Variants in TRDN observed in about 807,000 individuals in gnomAD.
TRDN encodes triadin.
In TRDN, 161 loss-of-function variants were observed where a neutral mutation model predicts 149.7. The observed-to-expected ratio is 1.08, with a 90% CI of 0.95 to 1.23. The LOEUF (loss-of-function observed/expected upper bound fraction) is 1.23. TRDN is among the 50% of genes most tolerant of loss of function. The probability of loss-of-function intolerance (pLI) is 0.00; values close to 1 mark genes in which losing one functional copy is unlikely to be tolerated. For missense variants in TRDN, 896 were observed against 823.5 expected (o/e 1.09, Z -1.08); for synonymous variants, 294 against 250.5 (o/e 1.17, Z -1.64).
chr6:123,597,047 C>T (rs546387332), intron 1 of TRDN, among the ~76,000 whole-genome samples: 1 of 151,954 alleles, frequency 6.6e-6, no homozygotes, highest in African/African-American at 2.4e-5. Flanking sequence ...CGACTCTTTT[C>T]TTGGATCTAA....
At chr6:123,584,540 A>G (rs182606874) in intron 1 of TRDN, among the ~76,000 whole-genome samples, 6 of 152,216 alleles carry the variant, frequency 3.9e-5, no homozygotes, top group Admixed American at 3.9e-4. Context: ...GGTTTGGGAG[A>G]TTAATCGGAC....
At chr6:123,229,718 T>C (rs1775525424) in intron 38 of TRDN, among the ~76,000 whole-genome samples, 2 of 151,938 alleles carry the variant, frequency 1.3e-5, no homozygotes, top group Admixed American at 1.3e-4. Context: ...AGACTGCGTG[T>C]GTATGGACTC....
intron 1 of TRDN, among the ~76,000 whole-genome samples, chr6:123,578,736 G>T (rs1782979072): frequency 6.6e-6 from 1 of 152,116 alleles, no homozygotes; most frequent in Non-Finnish European, 1.5e-5. Context: ...TCTATAAATT[G>T]CCTTGGGCAG....
At chr6:123,567,486 T>G (rs903290865) in intron 2 of TRDN, among the ~76,000 whole-genome samples, 5 of 152,110 alleles carry the variant, frequency 3.3e-5, no homozygotes, top group African/African-American at 1.2e-4. Context: ...TGGCTCACAC[T>G]TCTGCAGTCT....
rs535685749 is a variant in TRDN at position 123,518,996 on chromosome 6, G to T, written c.485-2790C>A. ...ATAGAGCAGCTGCATTCGCTTGAGCGTCTCTGCTTAGAGCCCACAACCAGG... is the reference window on the plus strand; with the variant it reads ...ATAGAGCAGCTGCATTCGCTTGAGCTTCTCTGCTTAGAGCCCACAACCAGG... On this transcript the variant is annotated intron_variant, in intron 5 of 40. Transcript: ENST00000334268. 1.3e-5 allele frequency among the ~76,000 whole-genome samples: 2 copies of T among 152,178 alleles called. 1 individual carries two copies. The highest frequency in any genetic ancestry group is 2.9e-5 in the Non-Finnish European group (2 of 68,022).
At chr6:123,317,388 C>T (rs1009086551) in intron 23 of TRDN, among the ~76,000 whole-genome samples, 13 of 151,848 alleles carry the variant, frequency 8.6e-5, no homozygotes, top group African/African-American at 2.9e-4. Context: ...GATAATGCTA[C>T]CAGCTTTATT....
chr6:123,558,928 C>A (rs1309606434), intron 2 of TRDN, among the ~76,000 whole-genome samples: 1 of 152,236 alleles, frequency 6.6e-6, no homozygotes, highest in African/African-American at 2.4e-5. Context: ...GCCGGAAATC[C>A]GGCCACTGGG....
intron 1 of TRDN, among the ~76,000 whole-genome samples, chr6:123,596,937 C>T (rs957777498): frequency 6.6e-6 from 1 of 151,938 alleles, no homozygotes; most frequent in Non-Finnish European, 1.5e-5. Context: ...TTTTGATGCC[C>T]CCTAACACAA....
intron 40 of TRDN, among the ~76,000 whole-genome samples, chr6:123,219,852 G>A (rs1038402653): frequency 3.3e-5 from 5 of 151,858 alleles, no homozygotes; most frequent in Non-Finnish European, 4.4e-5. Flanking sequence ...TAGTAAAGCC[G>A]GCCCTGCACA....
At chr6:123,245,899 A>G (rs934036056) in intron 38 of TRDN, among the ~76,000 whole-genome samples, 4 of 152,236 alleles carry the variant, frequency 2.6e-5, no homozygotes, top group Admixed American at 2.6e-4. Flanking sequence ...CTCAGATCAC[A>G]GTGCAATCAA....
At chr6:123,237,660 C>T (rs1775840673) in intron 38 of TRDN, among the ~76,000 whole-genome samples, 1 of 152,076 alleles carries the variant, frequency 6.6e-6, no homozygotes, top group Non-Finnish European at 1.5e-5. Flanking sequence ...TTTTTCCTTT[C>T]CAAATGTGTT....
chr6:123,498,278 AG>A, intron 8 of TRDN: 1 of 200,546 alleles, frequency 5.0e-6, no homozygotes, highest in East Asian at 1.1e-4. Flanking sequence ...GAAATAACAA[AG>A]CTTGTTACTA....
intron 12 of TRDN, among the ~76,000 whole-genome samples, chr6:123,424,198 C>T (rs963872435): frequency 2.0e-5 from 3 of 152,064 alleles, no homozygotes; most frequent in Admixed American, 6.6e-5. Context: ...AACTTTATGC[C>T]TCATGTTACC....
intron 32 of TRDN, among the ~76,000 whole-genome samples, 189 bp from the exon 33 acceptor site, chr6:123,265,527 G>C (rs2114598989): frequency 6.6e-6 from 1 of 151,280 alleles, no homozygotes; most frequent in African/African-American, 2.4e-5. Flanking sequence ...GTTTCTCATG[G>C]AGCAGTAAAG....
intron 23 of TRDN, among the ~76,000 whole-genome samples, chr6:123,318,316 G>A (rs1562260005): frequency 6.6e-6 from 1 of 151,968 alleles, no homozygotes; most frequent in Non-Finnish European, 1.5e-5. Context: ...TATGGCTCAA[G>A]TGCTGGTCAA....
At chr6:123,298,070 A>C (rs1000666173) in intron 24 of TRDN, among the ~76,000 whole-genome samples, 1 of 152,072 alleles carries the variant, frequency 6.6e-6, no homozygotes, top group Non-Finnish European at 1.5e-5. Flanking sequence ...ATGAAATTAA[A>C]AAACAAAAAA....
rs754229275 is a variant in TRDN at position 123,267,737 on chromosome 6, G to A, written c.1753C>T (p.Arg585Ter). The change falls in exon 32 of 41, where the codon CGA (arginine) becomes TGA (stop). Residue 585 changes from arginine to a stop codon, truncating the protein, a stop_gained. Transcript: ENST00000334268. LOFTEE classifies it high-confidence loss of function. ...TTTATAGATGGAGGTTCTCTTTCTC[G>A]ATGTTCAGCTTTTTCTAGAGAAAGA... is the stretch of plus-strand genomic sequence containing the variant. Reference protein sequence around the residue: ...KPKPTKKAEHREREPPSIKTD... With the variant: ...KPKPTKKAEH 9.5e-6 allele frequency: 15 copies of A among 1,575,498 alleles called. No homozygotes were observed. The highest frequency in any genetic ancestry group is 1.7e-4 in the Middle Eastern group (1 of 5,930).
chr6:123,372,327 T>A (rs1781355296), intron 19 of TRDN, among the ~76,000 whole-genome samples: 1 of 152,174 alleles, frequency 6.6e-6, no homozygotes, highest in Non-Finnish European at 1.5e-5. Flanking sequence ...AGATGATAGA[T>A]ATCTGACTCA....
intron 21 of TRDN, 90 bp downstream of exon 21, chr6:123,352,449 T>A: frequency 1.9e-6 from 3 of 1,553,402 alleles, no homozygotes; most frequent in Non-Finnish European, 2.6e-6. Flanking sequence ...TAAAGGTTAT[T>A]GTCTTCCGCC....
Sources: gnomAD v4.1 joint callset for allele counts (sites outside exome capture counted in the v4.1 genomes callset) on GRCh38, gnomAD v4.1.1 for gene constraint, MANE v1.5 for transcripts, NCBI Gene and HGNC (gene_info 2026-07-23, HGNC 2026-07-21) for gene names.